PRKN: variants seen among roughly 807,000 people sequenced by gnomAD.
PRKN encodes parkin RBR E3 ubiquitin protein ligase.
A neutral mutation model predicts 59.5 loss-of-function variants in PRKN; 56 were observed. The ratio of observed to expected loss-of-function variants is 0.94; its 90% CI spans 0.76 to 1.18. PRKN has a LOEUF of 1.18. Ranked by LOEUF, PRKN falls within the 50% of genes most tolerant of loss-of-function variation. The pLI, the probability that PRKN is intolerant of heterozygous loss-of-function variation, is 0.00. For synonymous variants in PRKN, 250 were observed against 222.1 expected (o/e 1.13, Z -1.12); for missense variants, 657 against 596.4 (o/e 1.10, Z -1.06).
chr6:162,141,218 T>G lies in PRKN; in HGVS notation c.534+59913A>C, dbSNP rs114471976. On this transcript the variant is annotated intron_variant, in intron 4 of 11. Coordinates refer to ENST00000366898, the MANE Select transcript of PRKN (RefSeq NM_004562.3). Reference sequence around the variant, plus strand: ...TTCAGAATGAAACATGCTAGCATACTCACGTTTTTGTAAACTTTGACTTTC... The same window carrying G: ...TTCAGAATGAAACATGCTAGCATACGCACGTTTTTGTAAACTTTGACTTTC... 3.7e-3 allele frequency among the ~76,000 whole-genome samples: 561 copies of G among 152,294 alleles called. 5 individuals carry two copies. The highest frequency in any genetic ancestry group is 0.013 in the African/African-American group (522 of 41,578).
chr6:161,951,008 A>C, intron 6 of PRKN, among the ~76,000 whole-genome samples: 1 of 150,048 alleles, frequency 6.7e-6, no homozygotes. Context: ...ATCATCAATA[A>C]ATTATAATTT....
intron 3 of PRKN, among the ~76,000 whole-genome samples, chr6:162,213,802 CAT>C (rs1282312537): frequency 0.03 from 1,328 of 43,720 alleles, 12 homozygotes; most frequent in Non-Finnish European, 0.044. Flanking sequence ...AAAAAAAAAC[CAT>C]ACACACACAC....
intron 4 of PRKN, among the ~76,000 whole-genome samples, chr6:162,140,731 G>A (rs9365375): frequency 0.41 from 59,077 of 145,772 alleles, 11,721 homozygotes; most frequent in Middle Eastern, 0.47. Context: ...TTTAATGCAG[G>A]TGGATTGGGT....
At chr6:162,275,080 CAAA>C (rs57886647) in intron 2 of PRKN, 6 of 76,238 alleles carry the variant, frequency 7.9e-5, no homozygotes, top group Non-Finnish European at 2.6e-5. Context: ...GACTCTGTCT[CAAA>C]AAAAAAAAAA....
chr6:162,402,933 C>G (rs12190407), intron 2 of PRKN, among the ~76,000 whole-genome samples: 63,871 of 151,778 alleles, frequency 0.42, 14,158 homozygotes, highest in East Asian at 0.71. Context: ...ATGAGCCACT[C>G]TGCCTGGCCC....
At chr6:161,696,939 C>G (rs1227803130) in intron 7 of PRKN, among the ~76,000 whole-genome samples, 1 of 152,136 alleles carries the variant, frequency 6.6e-6, no homozygotes, top group Non-Finnish European at 1.5e-5. Flanking sequence ...AACATGTAAG[C>G]CCTACATTCT....
intron 7 of PRKN, among the ~76,000 whole-genome samples, chr6:161,782,582 G>C (rs1162959215): frequency 6.6e-6 from 1 of 152,118 alleles, no homozygotes; most frequent in Admixed American, 6.5e-5. Flanking sequence ...TACATATTAT[G>C]AAAACACAAT....
intron 1 of PRKN, among the ~76,000 whole-genome samples, chr6:162,696,836 G>A (rs576824892): frequency 2.8e-4 from 42 of 151,836 alleles, no homozygotes; most frequent in Non-Finnish European, 5.9e-4. Context: ...ATGAGCTACC[G>A]CACTTAGCCA....
chr6:162,632,478 T>C (rs999838236), intron 1 of PRKN, among the ~76,000 whole-genome samples: 3 of 152,006 alleles, frequency 2.0e-5, no homozygotes, highest in Non-Finnish European at 1.5e-5. Flanking sequence ...GACATAACAA[T>C]GGACACTGGG....
intron 3 of PRKN, among the ~76,000 whole-genome samples, chr6:162,205,104 G>T (rs1198203545): frequency 6.6e-6 from 1 of 151,898 alleles, no homozygotes; most frequent in African/African-American, 2.4e-5. Context: ...CTCATGATCT[G>T]CCCACCTCAG....
At chr6:161,439,321 A>C (rs1789078949) in intron 9 of PRKN, among the ~76,000 whole-genome samples, 1 of 152,236 alleles carries the variant, frequency 6.6e-6, no homozygotes, top group South Asian at 2.1e-4. Flanking sequence ...AGGAGGCTGC[A>C]TCCCTCGCCT....
chr6:161,465,103 C>A (rs898643287), intron 9 of PRKN, among the ~76,000 whole-genome samples: 2 of 152,188 alleles, frequency 1.3e-5, no homozygotes, highest in African/African-American at 4.8e-5. Context: ...AAAGTCGCAG[C>A]GACAGAGACA....
In PRKN at chr6:161,581,066, A is replaced by ACACACG. The variant is rs1554279316; in HGVS notation, c.872-11651_872-11650insCGTGTG. ...AACACACACACACACACACACACAC[A>ACACACG]CACACACACAAAATAGCCAGGCGTG... On this transcript the variant is annotated intron_variant, in intron 7 of 11. Transcript: ENST00000366898. The surrounding 1 kb of genome is among the most constrained non-coding windows in gnomAD (Gnocchi z 4.5). Among the ~76,000 whole-genome samples, 2 of 151,710 alleles carry ACACACG rather than the reference A, an allele frequency of 1.3e-5. No individual in the cohort carries two copies. Among genetic ancestry groups the ACACACG allele is most frequent in the African/African-American group, 4.8e-5 (2 of 41,288 alleles).
In PRKN at chr6:162,224,628, A is replaced by G. The variant is rs115955270; in HGVS notation, c.413-23376T>C. 8.6e-3 allele frequency among the ~76,000 whole-genome samples: 1,306 copies of G among 152,306 alleles called. 18 individuals are homozygous for G. Among genetic ancestry groups the G allele is most frequent in the African/African-American group, 0.029 (1,199 of 41,570 alleles). On this transcript the variant is annotated intron_variant, in intron 3 of 11. Transcript: ENST00000366898. ...CCCAGTTGGAGGAGAGAAGCCAATC[A>G]AAGGGAATTAACAGAGAGGCTGCAG...
intron 3 of PRKN, among the ~76,000 whole-genome samples, chr6:162,223,980 G>A (rs759380641): frequency 6.6e-6 from 1 of 152,114 alleles, no homozygotes; most frequent in Non-Finnish European, 1.5e-5. Flanking sequence ...TCGTGGTGTG[G>A]TGTCAGCATC....
intron 5 of PRKN, among the ~76,000 whole-genome samples, chr6:161,984,203 A>G (rs954159744): frequency 1.3e-5 from 2 of 152,138 alleles, no homozygotes; most frequent in African/African-American, 4.8e-5. Context: ...GAAAGAGATC[A>G]CTTGTACCCT....
chr6:161,581,106 T>A lies in PRKN; in HGVS notation c.872-11690A>T, dbSNP rs901719371. 2.7e-5 allele frequency among the ~76,000 whole-genome samples: 4 copies of A among 150,572 alleles called. No individual in the cohort carries two copies. Among genetic ancestry groups the A allele is most frequent in the Non-Finnish European group, 2.9e-5 (2 of 67,830 alleles). On this transcript the variant is annotated intron_variant, in intron 7 of 11. Coordinates refer to ENST00000366898, the MANE Select transcript of PRKN (RefSeq NM_004562.3). The surrounding 1 kb of genome is among the most constrained non-coding windows in gnomAD (Gnocchi z 4.5). ...AGCCAGGCGTGGTGGCATGCCCTTGTAATCCCAGCTACTGGGGAGGTTTGA... is the reference window on the plus strand; with the variant it reads ...AGCCAGGCGTGGTGGCATGCCCTTGAAATCCCAGCTACTGGGGAGGTTTGA...
chr6:161,558,758 T>G (rs971516622), intron 8 of PRKN, among the ~76,000 whole-genome samples: 2 of 152,110 alleles, frequency 1.3e-5, no homozygotes, highest in African/African-American at 4.8e-5. Context: ...ATTAGAAATT[T>G]TTTTCAAAAA....
At chr6:162,040,179 T>A (rs757053330) in intron 5 of PRKN, among the ~76,000 whole-genome samples, 2 of 152,158 alleles carry the variant, frequency 1.3e-5, no homozygotes, top group Non-Finnish European at 2.9e-5. Context: ...TCCATTTCCA[T>A]GTGCCTTTCC....
Sources: allele counts gnomAD v4.1 joint callset (sites outside exome capture counted in the v4.1 genomes callset), GRCh38; gene constraint gnomAD v4.1.1; non-coding constraint Gnocchi (gnomAD v3.1); transcripts MANE v1.5; gene names NCBI Gene and HGNC (gene_info 2026-07-23, HGNC 2026-07-21).